Variants in MTSS1 observed in about 807,000 individuals in gnomAD.
MTSS1 encodes the protein protein MTSS 1.
MTSS1 carries 18 observed loss-of-function variants against 79.0 expected under a neutral mutation model. That is an observed-to-expected ratio of 0.23 (90% CI 0.16 to 0.34). The LOEUF (loss-of-function observed/expected upper bound fraction) is 0.34, where lower values mean the gene tolerates loss of function less well. MTSS1 is among the 10% of genes least tolerant of loss of function. The pLI is 1.00. For synonymous variants in MTSS1, 341 were observed against 368.6 expected, an observed-to-expected ratio of 0.93 and a Z score of 0.86; for missense variants, 815 against 986.2, an observed-to-expected ratio of 0.83 and a Z score of 2.33.
intron 9 of MTSS1, chr8:124,563,280 G>T: frequency 2.4e-6 from 1 of 424,796 alleles, no homozygotes; most frequent in Non-Finnish European, 4.3e-6. Context: ...TTACGAGGGA[G>T]GTCTGGGGTT....
At chr8:124,611,114 C>CCT (rs1554671376) in intron 3 of MTSS1, among the ~76,000 whole-genome samples, 12 of 148,642 alleles carry the variant, frequency 8.1e-5, no homozygotes, top group Middle Eastern at 3.5e-3. Context: ...AGACCCCCCC[C>CCT]CCCCAGCATG....
rs771834956 is a variant in MTSS1 at position 124,556,088 on chromosome 8, C to T, written c.1404+144G>A. On this transcript the variant is annotated intron_variant, in intron 12 of 13. Coordinates refer to ENST00000518547, the MANE Select transcript of MTSS1 (RefSeq NM_014751.6). ...CCACACAAGGTTTTTTTCCCAGGGA[C>T]TTTGCTGTAGAGCAGGAAGTCAGGG... The T allele has an allele frequency of 2.2e-5, 34 of 1,548,372 alleles. 1 individual carries two copies. In the Middle Eastern group the frequency reaches 3.0e-3, roughly 137 times the overall value.
At chr8:124,620,520 T>A (rs1366058752) in intron 3 of MTSS1, among the ~76,000 whole-genome samples, 1 of 152,186 alleles carries the variant, frequency 6.6e-6, no homozygotes, top group Non-Finnish European at 1.5e-5. Flanking sequence ...TCACAGTTGA[T>A]CTTTTACCAA....
intron 3 of MTSS1, among the ~76,000 whole-genome samples, chr8:124,623,103 G>C (rs1813932073): frequency 6.6e-6 from 1 of 152,250 alleles, no homozygotes; most frequent in African/African-American, 2.4e-5. Flanking sequence ...CCAAAGAACT[G>C]TCTTGACTGA....
At chr8:124,651,217 A>G (rs1819899353) in intron 3 of MTSS1, among the ~76,000 whole-genome samples, 1 of 152,222 alleles carries the variant, frequency 6.6e-6, no homozygotes, top group African/African-American at 2.4e-5. Context: ...GGATTTCAGT[A>G]TTAAAGCCCC....
intron 3 of MTSS1, among the ~76,000 whole-genome samples, chr8:124,618,116 C>T (rs1563870485): frequency 6.6e-6 from 1 of 152,118 alleles, no homozygotes; most frequent in African/African-American, 2.4e-5. Context: ...GGGTAAGGAA[C>T]CTGCCTGGGG....
intron 6 of MTSS1, among the ~76,000 whole-genome samples, chr8:124,580,984 A>G (rs1238725208): frequency 6.6e-6 from 1 of 152,340 alleles, no homozygotes; most frequent in South Asian, 2.1e-4. Flanking sequence ...AAAAAAAATT[A>G]AAGAGTTTAA....
At chr8:124,568,948 C>T (rs766245569) in intron 6 of MTSS1, 14 of 983,878 alleles carry the variant, frequency 1.4e-5, no homozygotes, top group African/African-American at 8.3e-5. Flanking sequence ...AAAACGGGCA[C>T]GGGCTGGCTT....
At chr8:124,599,732 C>T (rs1833446836) in intron 3 of MTSS1, among the ~76,000 whole-genome samples, 1 of 152,026 alleles carries the variant, frequency 6.6e-6, no homozygotes, top group Non-Finnish European at 1.5e-5. Context: ...TCTTGGGGCT[C>T]CTTGGCAGCT....
chr8:124,621,720 T>A (rs1242977678), intron 3 of MTSS1, among the ~76,000 whole-genome samples: 1 of 152,182 alleles, frequency 6.6e-6, no homozygotes, highest in Non-Finnish European at 1.5e-5. Flanking sequence ...AGCTAGTTTT[T>A]GTATTTTTAG....
At position 124,628,351 on chromosome 8, in the gene MTSS1, G is replaced by A. The variant is rs369809776; in HGVS notation, c.209-37116C>T. Among the ~76,000 whole-genome samples the A allele has an allele frequency of 1.4e-4, 22 of 152,206 alleles. No individual in the cohort carries two copies. In the South Asian group the frequency reaches 4.2e-3, roughly 29 times the overall value. On this transcript the variant is annotated intron_variant, in intron 3 of 13. Coordinates refer to ENST00000518547, the MANE Select transcript of MTSS1 (RefSeq NM_014751.6). ...TCCCAGATCATACTCCCCAGGACAC[G>A]GCACCAATTATCTCTTCCAATTAAA...
rs1317389474 is a variant in MTSS1, at chr8:124,683,036, T to C, written c.208+16490A>G. ...CTATGACCTTTTCAGACCATCTTGG[T>C]TCCTCTCCTGATGTTTCCTAAAGTA... On this transcript the variant is annotated intron_variant, in intron 3 of 13. Transcript: ENST00000518547. This position sits in a 1 kb window ranked among gnomAD's most constrained non-coding sequence, Gnocchi z 4.5. 2.0e-5 allele frequency among the ~76,000 whole-genome samples: 3 copies of C among 152,182 alleles called. No homozygotes were observed. Among genetic ancestry groups the C allele is most frequent in the Admixed American group, 6.5e-5 (1 of 15,274 alleles).
chr8:124,684,709 C>T (rs1826675582), intron 3 of MTSS1, among the ~76,000 whole-genome samples: 1 of 152,122 alleles, frequency 6.6e-6, no homozygotes, highest in Admixed American at 6.5e-5. Context: ...GAAGTGGGGG[C>T]AGATAAGCTA....
intron 9 of MTSS1, chr8:124,564,878 T>G (rs1223559830): frequency 6.6e-6 from 1 of 152,280 alleles, no homozygotes; most frequent in African/African-American, 2.4e-5. Context: ...ACAGACAGAT[T>G]GAGCAGATAC....
rs760379075 is a variant in MTSS1, at chr8:124,553,523, A to G, written c.1737T>C (p.Pro579=). Residue 579 remains proline, a synonymous_variant, in exon 14 of 14, where the codon CCT becomes CCC. Transcript: ENST00000518547. The surrounding 1 kb of genome is among the most constrained non-coding windows in gnomAD (Gnocchi z 6.0). ...TTGCAACCCCTGGAGTGACCATAGC[A>G]GGTCCCAGGGTGGTGGGGAGGCCAG... ...STAGLPTTLG[P]AMVTPGVATI... 1 of 1,614,110 alleles carries G rather than the reference A, an allele frequency of 6.2e-7. No homozygotes were observed. Among genetic ancestry groups the G allele is most frequent in the South Asian group, 1.1e-5 (1 of 91,082 alleles).
Position 124,727,673 on chromosome 8 carries a change from AC to A in MTSS1, c.72+210del, listed in dbSNP as rs1376840692. 6 of 665,664 alleles carry A rather than the reference AC, an allele frequency of 9.0e-6. No homozygotes were observed. Among genetic ancestry groups the A allele is most frequent in the Admixed American group, 2.1e-5 (1 of 48,392 alleles). The allele number at this position is 665,664 out of a possible 1,614,324, so 41.2% of individuals were successfully genotyped here. A position where few individuals can be genotyped will look rare whatever the true frequency, so the allele number is the denominator to read the frequency against. ...GGGGAGATGGCGTGGGACAGCAGAC[AC>A]CCCCCAGAGAAGCCACCCGCCCAGT... is the stretch of plus-strand genomic sequence containing the variant. On this transcript the variant is annotated intron_variant, in intron 1 of 13. Transcript: ENST00000518547. The surrounding 1 kb of genome is among the most constrained non-coding windows in gnomAD (Gnocchi z 4.7).
intron 3 of MTSS1, among the ~76,000 whole-genome samples, chr8:124,690,003 G>C (rs1389332663): frequency 6.6e-6 from 1 of 152,094 alleles, no homozygotes; most frequent in Non-Finnish European, 1.5e-5. Flanking sequence ...ATGCACGGTG[G>C]CTCTGTTAGC....
At chr8:124,580,487 C>T (rs113521218) in intron 6 of MTSS1, 43 of 1,524,800 alleles carry the variant, frequency 2.8e-5, no homozygotes, top group African/African-American at 1.2e-4. Context: ...TGGACAACCA[C>T]GGAAAGCCCA....
intron 10 of MTSS1, among the ~76,000 whole-genome samples, chr8:124,559,516 T>C (rs1042756166): frequency 2.6e-5 from 4 of 152,222 alleles, no homozygotes; most frequent in African/African-American, 9.6e-5. Context: ...TGGGGTGGAA[T>C]GAACCATCTC....
Sources: gnomAD v4.1 joint callset for allele counts (sites outside exome capture counted in the v4.1 genomes callset) on GRCh38, gnomAD v4.1.1 for gene constraint, Gnocchi (gnomAD v3.1) non-coding constraint, MANE v1.5 for transcripts, NCBI Gene and HGNC (gene_info 2026-07-23, HGNC 2026-07-21) for gene names.